Variants in RNF169 observed in about 807,000 individuals in gnomAD.
RNF169 encodes the protein ring finger protein 169.
A neutral mutation model predicts 53.9 loss-of-function variants in RNF169; 24 were observed. The ratio of observed to expected loss-of-function variants is 0.45; its 90% confidence interval spans 0.32 to 0.63. The LOEUF is 0.63. Among genes scored for constraint, RNF169 ranks in the 20% least tolerant of loss-of-function variants. The probability of loss-of-function intolerance (pLI) is 0.04; values close to 1 mark genes in which losing one functional copy is unlikely to be tolerated. For synonymous variants in RNF169, 396 were observed against 363.5 expected (o/e 1.09, Z -1.02); for missense variants, 883 against 906.2 (o/e 0.97, Z 0.33).
intron 1 of RNF169, among the ~76,000 whole-genome samples, chr11:74,762,575 T>G (rs1040260757): frequency 6.6e-6 from 1 of 152,228 alleles, no homozygotes; most frequent in Non-Finnish European, 1.5e-5. Context: ...TCACCCGTCT[T>G]CTGCGTCGCT....
chr11:74,791,647 T>A (rs75640284), intron 2 of RNF169, among the ~76,000 whole-genome samples: 3,569 of 152,312 alleles, frequency 0.023, 156 homozygotes, highest in African/African-American at 0.081. Context: ...ACAACTTTCC[T>A]TTGAAATCGG....
In RNF169 at chr11:74,822,556, A is replaced by T. The variant is rs75447665; in HGVS notation, c.842+4842A>T. On this transcript the variant is annotated intron_variant, in intron 4 of 5. Coordinates refer to ENST00000299563, the MANE Select transcript of RNF169 (RefSeq NM_001098638.2). ...TTGAGTCTGTTCTATGGCAGAGTAG[A>T]GTAAGTTAGATCAGTATGCTGTGGT... Among the ~76,000 whole-genome samples, 221 of 152,340 alleles carry T rather than the reference A, an allele frequency of 1.5e-3. 8 individuals carry two copies. In the East Asian group the frequency reaches 0.041, roughly 29 times the overall value.
Position 74,788,233 on chromosome 11 carries a change from A to G in RNF169, c.503-1393A>G, listed in dbSNP as rs758214788. Among the ~76,000 whole-genome samples, 56 of 152,146 alleles carry G rather than the reference A, an allele frequency of 3.7e-4. 1 individual carries two copies. Among genetic ancestry groups the G allele is most frequent in the African/African-American group, 5.6e-4 (23 of 41,426 alleles). ...ATCTTTATGACCTAATGTATCATCA[A>G]TATTTTAAATTGTTTGCCTTAAGAG... is the stretch of plus-strand genomic sequence containing the variant. On this transcript the variant is annotated intron_variant, in intron 1 of 5. Transcript: ENST00000299563.
At chr11:74,833,204 C>G (rs2036205491) in intron 4 of RNF169, among the ~76,000 whole-genome samples, 1 of 152,148 alleles carries the variant, frequency 6.6e-6, no homozygotes, top group South Asian at 2.1e-4. Context: ...GCTACCCCCT[C>G]TACTTACTAG....
At chr11:74,797,444 A>C (rs1192331285) in intron 2 of RNF169, among the ~76,000 whole-genome samples, 1 of 152,188 alleles carries the variant, frequency 6.6e-6, no homozygotes, top group Non-Finnish European at 1.5e-5. Flanking sequence ...TTGTTATACC[A>C]CAGAACAAGC....
At chr11:74,819,140 T>C (rs1156886666) in intron 4 of RNF169, among the ~76,000 whole-genome samples, 1 of 151,966 alleles carries the variant, frequency 6.6e-6, no homozygotes, top group Non-Finnish European at 1.5e-5. Context: ...CTTAAGTAAA[T>C]GGTTCCTAGC....
chr11:74,794,230 C>T (rs1387960156), intron 2 of RNF169, among the ~76,000 whole-genome samples: 1 of 152,192 alleles, frequency 6.6e-6, no homozygotes, highest in Non-Finnish European at 1.5e-5. Context: ...CTAGTTAGGA[C>T]ACTTTGAGAG....
At chr11:74,783,034 A>C (rs1056089802) in intron 1 of RNF169, among the ~76,000 whole-genome samples, 1 of 151,520 alleles carries the variant, frequency 6.6e-6, no homozygotes, top group African/African-American at 2.4e-5. Flanking sequence ...ACTCATAGAA[A>C]ATGAATGTAC....
At chr11:74,770,682 A>G (rs1299998411) in intron 1 of RNF169, among the ~76,000 whole-genome samples, 2 of 152,240 alleles carry the variant, frequency 1.3e-5, no homozygotes, top group African/African-American at 2.4e-5. Context: ...ATAAATGACT[A>G]GGAAGAACAG....
At chr11:74,755,990 G>A (rs1419940032) in intron 1 of RNF169, among the ~76,000 whole-genome samples, 2 of 152,170 alleles carry the variant, frequency 1.3e-5, no homozygotes, top group Non-Finnish European at 2.9e-5. Context: ...ATATTGGTTG[G>A]AAGAGGAAAG....
intron 2 of RNF169, among the ~76,000 whole-genome samples, chr11:74,803,895 G>A (rs910460285): frequency 1.3e-5 from 2 of 152,190 alleles, no homozygotes; most frequent in African/African-American, 4.8e-5. Context: ...AGGCATTTCT[G>A]CCCTTGCATG....
intron 1 of RNF169, among the ~76,000 whole-genome samples, chr11:74,751,363 C>T (rs941738132): frequency 6.6e-6 from 1 of 152,150 alleles, no homozygotes; most frequent in Non-Finnish European, 1.5e-5. Flanking sequence ...GTTTCATATG[C>T]TACTTAATTT....
chr11:74,804,731 G>A (rs908856855), intron 2 of RNF169, among the ~76,000 whole-genome samples: 1 of 152,166 alleles, frequency 6.6e-6, no homozygotes, highest in Non-Finnish European at 1.5e-5. Flanking sequence ...CAGTTAGCCT[G>A]TGGTAAAACT....
intron 4 of RNF169, among the ~76,000 whole-genome samples, chr11:74,820,692 T>A (rs1257878849): frequency 6.6e-6 from 1 of 152,094 alleles, no homozygotes; most frequent in Non-Finnish European, 1.5e-5. Flanking sequence ...CAAATCTTAT[T>A]AAAAGTAATG....
chr11:74,834,998 T>TA (rs1198102494), intron 5 of RNF169, among the ~76,000 whole-genome samples: 2 of 152,222 alleles, frequency 1.3e-5, no homozygotes, highest in East Asian at 3.9e-4. Context: ...TCTTTTTTTT[T>TA]AAGAGACAGA....
At chr11:74,749,522 C>A in intron 1 of RNF169, 140 bp downstream of exon 1, 1 of 709,132 alleles carries the variant, frequency 1.4e-6, no homozygotes, top group South Asian at 6.8e-5. Context: ...CGGGCTCTAC[C>A]CAGGTGCAGT....
At chr11:74,766,963 A>T (rs1338074254) in intron 1 of RNF169, among the ~76,000 whole-genome samples, 1 of 151,830 alleles carries the variant, frequency 6.6e-6, no homozygotes, top group African/African-American at 2.4e-5. Flanking sequence ...AGTACAGGCC[A>T]CTCTCATGAA....
At chr11:74,796,911 C>T (rs1361903641) in intron 2 of RNF169, among the ~76,000 whole-genome samples, 3 of 152,154 alleles carry the variant, frequency 2.0e-5, no homozygotes, top group Non-Finnish European at 4.4e-5. Context: ...AATGCGTTGG[C>T]TATTCACAGG....
At chr11:74,818,761 C>G (rs752798927) in intron 4 of RNF169, among the ~76,000 whole-genome samples, 7 of 152,132 alleles carry the variant, frequency 4.6e-5, no homozygotes, top group Non-Finnish European at 1.0e-4. Flanking sequence ...ACCCTTATCT[C>G]TAGGGTTCAA....
Sources: allele counts gnomAD v4.1 joint callset (sites outside exome capture counted in the v4.1 genomes callset), GRCh38; gene constraint gnomAD v4.1.1; transcripts MANE v1.5; gene names NCBI Gene and HGNC (gene_info 2026-07-23, HGNC 2026-07-21).